Variants in PCLO observed in about 807,000 individuals in gnomAD.
PCLO encodes the protein piccolo presynaptic cytomatrix protein, also known as protein piccolo.
In PCLO, 82 loss-of-function variants were observed where a neutral mutation model predicts 427.5. The observed-to-expected ratio is 0.19, with a 90% CI of 0.16 to 0.23. PCLO has a LOEUF of 0.23. Among genes scored for constraint, PCLO ranks in the 10% least tolerant of loss-of-function variants. The pLI, the probability that PCLO is intolerant of heterozygous loss-of-function variation, is 1.00. For synonymous variants in PCLO, 2,357 were observed against 2,155.4 expected (o/e 1.09, Z -2.59); for missense variants, 6,239 against 6,115.9 (o/e 1.02, Z -0.67).
At chr7:82,900,339 AAAAAG>A (rs1303327657) in intron 9 of PCLO, among the ~76,000 whole-genome samples, 3 of 151,734 alleles carry the variant, frequency 2.0e-5, no homozygotes, top group Non-Finnish European at 4.4e-5. Flanking sequence ...TCAGTGCTTA[AAAAAG>A]AAAACACAGT....
At chr7:82,766,214 T>C (rs1056953523) in intron 22 of PCLO, among the ~76,000 whole-genome samples, 139 of 152,216 alleles carry the variant, frequency 9.1e-4, no homozygotes, top group African/African-American at 3.2e-3. Flanking sequence ...CTTATCACTA[T>C]GAAGATTCAA....
At chr7:82,776,108 G>A (rs759119456) in intron 22 of PCLO, among the ~76,000 whole-genome samples, 1 of 152,018 alleles carries the variant, frequency 6.6e-6, no homozygotes, top group Admixed American at 6.6e-5. Context: ...TGTTCACATT[G>A]TTAACAAATA....
intron 4 of PCLO, among the ~76,000 whole-genome samples, chr7:82,964,171 T>G (rs530412406): frequency 9.3e-5 from 14 of 151,292 alleles, no homozygotes; most frequent in East Asian, 1.9e-4. Context: ...AGTAAGGTAG[T>G]GCCCTGAGGA....
At position 83,162,596 on chromosome 7, in the gene PCLO, T is replaced by C. The variant is rs1484013137; in HGVS notation, c.-4A>G. 1 of 1,534,758 alleles carries C rather than the reference T, an allele frequency of 6.5e-7. No homozygotes were observed. ...CCAAGCTCGCCTCGTTGCCCATGGC[T>C]CAGGGAGACTCGGGGCCGCCGCGCT... is the stretch of plus-strand genomic sequence containing the variant. On this transcript the variant is annotated 5_prime_UTR_variant, in exon 1 of 25. Transcript: ENST00000333891.
chr7:83,057,901 G>T (rs1789442202), intron 3 of PCLO, among the ~76,000 whole-genome samples: 1 of 152,166 alleles, frequency 6.6e-6, no homozygotes, highest in South Asian at 2.1e-4. Context: ...AGCTAATTTG[G>T]TTCCTAATAA....
Position 82,951,463 on chromosome 7 carries a change from G to C in PCLO, c.9125C>G (p.Thr3042Ser). The stretch of plus-strand genomic sequence containing the variant: ...TCGTGTTTCTGGATATGGACCTGTA[G>C]TCTTGCTTGAATAATCCATTACCTC... The part of the protein sequence containing the change: ...TGEVMDYSSK[T>S]TGPYPETRQV... The change falls in exon 6 of 25, where the codon ACT (threonine) becomes AGT (serine). Residue 3042 changes from threonine to serine, a missense_variant. This residue lies in a region of PCLO where 4,677 missense variants were observed against 4,468.4 expected (regional missense o/e 1.05). Transcript: ENST00000333891. 1 of 1,578,086 alleles carries C rather than the reference G, an allele frequency of 6.3e-7. No homozygotes were observed. Among genetic ancestry groups the C allele is most frequent in the South Asian group, 1.2e-5 (1 of 86,476 alleles).
At chr7:82,865,412 AG>A (rs1466670651) in intron 10 of PCLO, among the ~76,000 whole-genome samples, 1 of 152,082 alleles carries the variant, frequency 6.6e-6, no homozygotes, top group African/African-American at 2.4e-5. Context: ...CACTTGAACC[AG>A]GGAGGCAGAC....
intron 10 of PCLO, among the ~76,000 whole-genome samples, chr7:82,871,162 G>T (rs1793227348): frequency 6.6e-6 from 1 of 151,960 alleles, no homozygotes; most frequent in Non-Finnish European, 1.5e-5. Context: ...GCACTCCCAT[G>T]TCTATTACAG....
chr7:82,824,276 G>C lies in PCLO; in HGVS notation c.14556C>G (p.Ile4852Met), dbSNP rs762380283. ...GGAAGATACCATGGCTTCTGCTTTT[G>C]ATAACAGATGGCTTTGGGGACTGCT... ...SSQQSPKPSV[I>M]KSRSHGIFPD... The change falls in exon 19 of 25, where the codon ATC becomes ATG. Residue 4852 changes from isoleucine to methionine, a missense_variant. Ile to Met is a conservative substitution (Grantham distance 10, BLOSUM62 1). Transcript: ENST00000333891. The C allele has an allele frequency of 1.2e-6, 2 of 1,613,240 alleles. No individual in the cohort carries two copies. Among genetic ancestry groups the C allele is most frequent in the Admixed American group, 1.7e-5 (1 of 59,930 alleles).
In PCLO at chr7:82,928,014, T is replaced by G. The variant is rs116906479; in HGVS notation, c.11113-11141A>C. 5.3e-3 allele frequency among the ~76,000 whole-genome samples: 811 copies of G among 152,328 alleles called. 4 individuals carry two copies. Among genetic ancestry groups the G allele is most frequent in the Middle Eastern group, 0.01 (3 of 294 alleles). On this transcript the variant is annotated intron_variant, in intron 6 of 24. Coordinates refer to ENST00000333891, the MANE Select transcript of PCLO (RefSeq NM_033026.6). Reference sequence around the variant, plus strand: ...ATTTATTTATTCATTTATCTATGTGTGTAAAAGCAGTCCTCACATGCATGG... The same window carrying G: ...ATTTATTTATTCATTTATCTATGTGGGTAAAAGCAGTCCTCACATGCATGG...
At chr7:83,103,134 G>C (rs1268804847) in intron 3 of PCLO, among the ~76,000 whole-genome samples, 4 of 151,844 alleles carry the variant, frequency 2.6e-5, no homozygotes, top group African/African-American at 9.7e-5. Context: ...TATGAATCTT[G>C]CCAGATCTAT....
At position 82,966,444 on chromosome 7, in the gene PCLO, A is replaced by G. The variant is rs1795776818; in HGVS notation, c.3344T>C (p.Ile1115Thr). ...GCGTATGTCTCCAAGCTGTCCTGAT[A>G]TTGCTCTCTGGGTTTGGCAATTTAA... Reference protein sequence around the residue: ...LCLNCQTQRAISGQLGDIRKM... With the variant: ...LCLNCQTQRATSGQLGDIRKM... The change falls in exon 4 of 25, where the codon ATA becomes ACA. Residue 1115 changes from isoleucine to threonine, a missense_variant. Ile to Thr is a moderately conservative substitution (Grantham distance 89, BLOSUM62 -1). Transcript: ENST00000333891. 2 of 1,597,578 alleles carry G rather than the reference A, an allele frequency of 1.3e-6. No homozygotes were observed. Among genetic ancestry groups the G allele is most frequent in the Non-Finnish European group, 1.7e-6 (2 of 1,175,252 alleles).
At position 83,155,344 on chromosome 7, in the gene PCLO, C is replaced by T. The variant is rs201344475; in HGVS notation, c.1297G>A (p.Ala433Thr). The part of the protein sequence containing the change: ...QQPGLQSPAK[A>T]PGPTKTPVQQ... ...ACTGGAGTCTTTGTAGGCCCAGGTG[C>T]CTTAGCTGGAGACTGTAGCCCAGGT... The change falls in exon 2 of 25, where the codon GCA (alanine) becomes ACA (threonine). Residue 433 changes from alanine (A) to threonine (T), a missense_variant. Physicochemically the swap from Ala to Thr is moderately conservative, Grantham distance 58. This residue lies in a region of PCLO where 4,677 missense variants were observed against 4,468.4 expected (regional missense o/e 1.05). Coordinates refer to ENST00000333891, the MANE Select transcript of PCLO (RefSeq NM_033026.6). 3.4e-4 allele frequency: 544 copies of T among 1,613,176 alleles called. 1 individual carries two copies. In the African/African-American group the frequency reaches 5.9e-3, roughly 17 times the overall value.
At chr7:82,904,238 CCT>C (rs773343762) in intron 8 of PCLO, among the ~76,000 whole-genome samples, 1 of 150,550 alleles carries the variant, frequency 6.6e-6, no homozygotes, top group Non-Finnish European at 1.5e-5. Flanking sequence ...CTTCTTTTTC[CCT>C]CTCTTCCCTG....
chr7:82,779,254 T>C (rs775836135), intron 22 of PCLO, among the ~76,000 whole-genome samples: 16 of 152,284 alleles, frequency 1.1e-4, no homozygotes, highest in Admixed American at 3.3e-4. Context: ...AGGAAAGATA[T>C]TGCTTTTTGC....
At chr7:82,813,453 A>G (rs1455014114) in intron 20 of PCLO, among the ~76,000 whole-genome samples, 1 of 151,780 alleles carries the variant, frequency 6.6e-6, no homozygotes, top group Non-Finnish European at 1.5e-5. Flanking sequence ...TATTTTCCAG[A>G]TATTTTTAAA....
intron 3 of PCLO, among the ~76,000 whole-genome samples, chr7:83,093,563 G>A (rs1412123085): frequency 7.1e-6 from 1 of 140,028 alleles, no homozygotes; most frequent in Non-Finnish European, 1.5e-5. Context: ...CGTGATCTCC[G>A]CTCACTGCAA....
intron 22 of PCLO, among the ~76,000 whole-genome samples, chr7:82,800,572 G>C (rs745404739): frequency 7.2e-5 from 11 of 152,032 alleles, no homozygotes; most frequent in Non-Finnish European, 1.5e-4. Context: ...AATGACACAT[G>C]AAGGACTATA....
chr7:83,086,586 A>C (rs916801169), intron 3 of PCLO, among the ~76,000 whole-genome samples: 7 of 152,100 alleles, frequency 4.6e-5, no homozygotes, highest in African/African-American at 1.4e-4. Context: ...GATTTAGGAG[A>C]ACGATTATCA....
Sources: gnomAD v4.1 joint callset for allele counts (sites outside exome capture counted in the v4.1 genomes callset) on GRCh38, gnomAD v4.1.1 for gene constraint, gnomAD v4.1.1 regional missense constraint, MANE v1.5 for transcripts, NCBI Gene and HGNC (gene_info 2026-07-23, HGNC 2026-07-21) for gene names.